RYR2: variants seen among roughly 807,000 people sequenced by gnomAD.
RYR2 encodes ryanodine receptor 2, also known as cardiac muscle ryanodine receptor-calcium release channel.
Under a neutral mutation model 601.1 loss-of-function variants are expected in RYR2, and 227 were observed. The observed-to-expected ratio is 0.38, with a 90% CI of 0.34 to 0.42. The LOEUF is 0.42. Ranked by LOEUF, RYR2 falls within the 10% of genes least tolerant of loss-of-function variation. RYR2 has a pLI of 1.00. For synonymous variants in RYR2, 2,223 were observed against 2,175.1 expected (o/e 1.02, Z -0.61); for missense variants, 4,646 against 6,156.5 (o/e 0.75, Z 8.21).
At chr1:237,483,753 T>C (rs1353657640) in intron 17 of RYR2, among the ~76,000 whole-genome samples, 1 of 152,206 alleles carries the variant, frequency 6.6e-6, no homozygotes, top group Non-Finnish European at 1.5e-5. Flanking sequence ...TTACTCGTTA[T>C]GTCACTTTAT....
intron 3 of RYR2, among the ~76,000 whole-genome samples, chr1:237,350,602 A>AAT (rs1177777241): frequency 0.083 from 3,030 of 36,618 alleles, 195 homozygotes; most frequent in Non-Finnish European, 0.11. Flanking sequence ...AAAAAAAAAA[A>AAT]ATATATATAT....
At chr1:237,494,539 G>C (rs773638056) in intron 19 of RYR2, among the ~76,000 whole-genome samples, 112 of 152,086 alleles carry the variant, frequency 7.4e-4, no homozygotes, top group Non-Finnish European at 1.3e-3. Flanking sequence ...ATCTCGTTTG[G>C]CAACCCCCTC....
At chr1:237,168,323 G>T (rs1181388084) in intron 1 of RYR2, among the ~76,000 whole-genome samples, 1 of 151,894 alleles carries the variant, frequency 6.6e-6, no homozygotes, top group East Asian at 1.9e-4. Context: ...GCTGGGTTGG[G>T]GGAGAGATGG....
chr1:237,134,144 CTG>C, intron 1 of RYR2, among the ~76,000 whole-genome samples: 1 of 152,278 alleles, frequency 6.6e-6, no homozygotes, highest in African/African-American at 2.4e-5. Context: ...TTCTGAGACA[CTG>C]TGGTTCAGGA....
intron 1 of RYR2, among the ~76,000 whole-genome samples, chr1:237,097,081 G>T (rs1667574678): frequency 6.6e-6 from 1 of 152,166 alleles, no homozygotes; most frequent in East Asian, 1.9e-4. Context: ...ATTTTAGCTT[G>T]AATATGTATT....
chr1:237,640,786 C>G, intron 46 of RYR2, 111 bp from the exon 47 acceptor site: 1 of 816,528 alleles, frequency 1.2e-6, no homozygotes, highest in Non-Finnish European at 2.0e-6. Flanking sequence ...TGAAACATAT[C>G]AGAAAAATAA....
intron 1 of RYR2, among the ~76,000 whole-genome samples, chr1:237,094,104 G>A (rs1233339491): frequency 1.3e-5 from 2 of 152,198 alleles, no homozygotes; most frequent in African/African-American, 4.8e-5. Context: ...CCTCCATTTC[G>A]ACCTCTGTGC....
chr1:237,564,205 C>G (rs1002872629), intron 27 of RYR2, among the ~76,000 whole-genome samples: 1 of 152,082 alleles, frequency 6.6e-6, no homozygotes, highest in Admixed American at 6.6e-5. Flanking sequence ...TGAGGAAATA[C>G]TAACTCTGAG....
intron 3 of RYR2, among the ~76,000 whole-genome samples, chr1:237,348,521 G>A (rs1208209386): frequency 2.0e-5 from 3 of 152,098 alleles, no homozygotes; most frequent in Admixed American, 1.3e-4. Flanking sequence ...TAGGAGAGAG[G>A]GTGAACTAAA....
At chr1:237,445,359 A>G (rs761273120) in intron 13 of RYR2, 42 bp from the exon 14 acceptor site, 1 of 1,608,854 alleles carries the variant, frequency 6.2e-7, no homozygotes, top group Non-Finnish European at 8.5e-7. Flanking sequence ...AGTTTGGAAA[A>G]GAGACGTTGG....
chr1:237,451,631 T>C (rs1185016301), intron 14 of RYR2, among the ~76,000 whole-genome samples: 1 of 151,204 alleles, frequency 6.6e-6, no homozygotes, highest in African/African-American at 2.4e-5. Flanking sequence ...TTTTTTAATA[T>C]ATTTAGAAGC....
At chr1:237,624,962 CAT>C (rs10604003) in intron 39 of RYR2, among the ~76,000 whole-genome samples, 25,795 of 151,640 alleles carry the variant, frequency 0.17, 2,589 homozygotes, top group African/African-American at 0.29. Context: ...AATTATACTA[CAT>C]GTGTGTGTAC....
intron 1 of RYR2, among the ~76,000 whole-genome samples, chr1:237,158,208 A>G (rs571905331): frequency 2.0e-5 from 3 of 152,330 alleles, no homozygotes; most frequent in African/African-American, 7.2e-5. Flanking sequence ...AAAGTTAATT[A>G]CCATAAAATA....
intron 1 of RYR2, among the ~76,000 whole-genome samples, chr1:237,211,788 C>T (rs1043270480): frequency 2.6e-5 from 4 of 152,162 alleles, no homozygotes; most frequent in South Asian, 2.1e-4. Context: ...GTGTAAGGAT[C>T]GTTCCTAGTG....
At position 237,760,813 on chromosome 1, in the gene RYR2, G is replaced by A. The variant is rs188157863; in HGVS notation, c.11403-142G>A. The A allele has an allele frequency of 1.2e-3, 724 of 614,912 alleles. 3 individuals carry two copies. The highest frequency in any genetic ancestry group is 2.1e-3 in the South Asian group (105 of 50,624). 38.1% of individuals were successfully genotyped at this position (614,912 alleles called of 1,614,324 possible). ...GCCACTAAGAAAATACGGTTGGTACGCAATGAATGGAGACATGTTTTCAGT... is the reference window on the plus strand; with the variant it reads ...GCCACTAAGAAAATACGGTTGGTACACAATGAATGGAGACATGTTTTCAGT... On this transcript the variant is annotated intron_variant, in intron 83 of 104. Coordinates refer to ENST00000366574, the MANE Select transcript of RYR2 (RefSeq NM_001035.3).
In RYR2 at chr1:237,501,603, A is replaced by C. The variant is rs78988131; in HGVS notation, c.2396+700A>C. Among the ~76,000 whole-genome samples the C allele has an allele frequency of 9.9e-3, 1,504 of 152,270 alleles. 26 individuals carry two copies. The highest frequency in any genetic ancestry group is 0.032 in the African/African-American group (1,338 of 41,556). On this transcript the variant is annotated intron_variant, in intron 21 of 104. Coordinates refer to ENST00000366574, the MANE Select transcript of RYR2 (RefSeq NM_001035.3). The stretch of plus-strand genomic sequence containing the variant: ...ACACCTGTACACTTAGAAGGACTCC[A>C]TTTGTTTCAGTTATTCTTTTAGTTA...
At chr1:237,197,629 C>T (rs754261856) in intron 1 of RYR2, among the ~76,000 whole-genome samples, 14 of 152,004 alleles carry the variant, frequency 9.2e-5, no homozygotes, top group Non-Finnish European at 1.8e-4. Context: ...TGATGAGATC[C>T]GAAGTGATGT....
intron 3 of RYR2, among the ~76,000 whole-genome samples, chr1:237,344,466 C>T (rs1698121133): frequency 6.6e-6 from 1 of 152,160 alleles, no homozygotes; most frequent in African/African-American, 2.4e-5. Flanking sequence ...ACACTTAATT[C>T]AGGTATATAT....
At chr1:237,392,611 C>T (rs1702477323) in intron 10 of RYR2, among the ~76,000 whole-genome samples, 1 of 151,342 alleles carries the variant, frequency 6.6e-6, no homozygotes, top group Non-Finnish European at 1.5e-5. Context: ...TATTTCCATC[C>T]AAAATTTTAT....
Sources: allele counts gnomAD v4.1 joint callset (sites outside exome capture counted in the v4.1 genomes callset), GRCh38; gene constraint gnomAD v4.1.1; transcripts MANE v1.5; gene names NCBI Gene and HGNC (gene_info 2026-07-23, HGNC 2026-07-21).